Variants in NUBPL observed in about 807,000 individuals in gnomAD.
NUBPL encodes NUBP iron-sulfur cluster assembly factor, mitochondrial.
Under a neutral mutation model 45.7 loss-of-function variants are expected in NUBPL, and 31 were observed. That is an observed-to-expected ratio of 0.68 (90% CI 0.51 to 0.92). The LOEUF (loss-of-function observed/expected upper bound fraction) is 0.92. Ranked by LOEUF, NUBPL falls within the 40% of genes least tolerant of loss-of-function variation. NUBPL has a pLI of 0.00. For synonymous variants in NUBPL, 144 were observed against 140.9 expected, an observed-to-expected ratio of 1.02 and a Z score of -0.15; for missense variants, 401 against 398.7, an observed-to-expected ratio of 1.01 and a Z score of -0.05.
At position 31,648,900 on chromosome 14, in the gene NUBPL, C is replaced by T. The variant is rs557358717; in HGVS notation, c.383-24455C>T. Among the ~76,000 whole-genome samples the T allele has an allele frequency of 2.6e-5, 4 of 152,310 alleles. No individual in the cohort carries two copies. In the East Asian group the frequency reaches 7.7e-4, roughly 29 times the overall value. ...CTTGGCTCACTGCAACCTCCGCCTC[C>T]CGGGTTCAAGCAATTCTCTTGCCTC... is the stretch of plus-strand genomic sequence containing the variant. On this transcript the variant is annotated intron_variant, in intron 4 of 10. Transcript: ENST00000281081.
chr14:31,825,860 AT>A lies in NUBPL; in HGVS notation c.608-758del, dbSNP rs531767742. 2.0e-3 allele frequency among the ~76,000 whole-genome samples: 192 copies of A among 94,926 alleles called. 1 individual carries two copies. Among genetic ancestry groups the A allele is most frequent in the East Asian group, 5.7e-3 (20 of 3,528 alleles). 62.3% of individuals were successfully genotyped at this position (94,926 alleles called of 152,430 possible). A position where few individuals can be genotyped will look rare whatever the true frequency, so the allele number is the denominator to read the frequency against. On this transcript the variant is annotated intron_variant, in intron 7 of 10. Transcript: ENST00000281081. ...TTTCTTCTTTCTTCTTTTTTCTTCC[AT>A]TTTTTTTTTTGAGATGGGGTCTCAC...
At chr14:31,637,917 C>CT (rs1428877191) in intron 4 of NUBPL, among the ~76,000 whole-genome samples, 2 of 151,994 alleles carry the variant, frequency 1.3e-5, no homozygotes, top group African/African-American at 4.8e-5. Flanking sequence ...CAACGCCTGC[C>CT]TTTTTTTATT....
At position 31,564,995 on chromosome 14, in the gene NUBPL, CT is replaced by C. The variant is rs779120731; in HGVS notation, c.257-12del. 35 of 1,468,070 alleles carry C rather than the reference CT, an allele frequency of 2.4e-5. No individual in the cohort carries two copies. Among genetic ancestry groups the C allele is most frequent in the Non-Finnish European group, 2.8e-5 (30 of 1,061,564 alleles). The allele number at this position is 1,468,070 out of a possible 1,614,324, so 90.9% of individuals were successfully genotyped here. ...GAAGGAAAGTTACTAAATTCAATTA[CT>C]TTTTTTGTTTCTTACAGTGAATCTT... On this transcript the variant is annotated intron_variant, in intron 2 of 10. Coordinates refer to ENST00000281081, the MANE Select transcript of NUBPL (RefSeq NM_025152.3).
chr14:31,712,637 G>T (rs965305761), intron 6 of NUBPL, among the ~76,000 whole-genome samples: 7 of 152,266 alleles, frequency 4.6e-5, no homozygotes, highest in Non-Finnish European at 8.8e-5. Context: ...GGATGCCGAG[G>T]CCAAGGGGGC....
At chr14:31,642,449 A>C (rs552234450) in intron 4 of NUBPL, among the ~76,000 whole-genome samples, 2 of 152,152 alleles carry the variant, frequency 1.3e-5, no homozygotes, top group African/African-American at 2.4e-5. Context: ...TGTCCTTTCC[A>C]CAGTGTATGT....
chr14:31,736,537 T>A (rs929143118), intron 6 of NUBPL, among the ~76,000 whole-genome samples: 6 of 152,226 alleles, frequency 3.9e-5, no homozygotes, highest in Non-Finnish European at 8.8e-5. Context: ...GCATGAATCC[T>A]CAGTGTATTC....
chr14:31,747,072 CAAA>C (rs371061163), intron 6 of NUBPL, among the ~76,000 whole-genome samples: 2 of 65,498 alleles, frequency 3.1e-5, no homozygotes, highest in Admixed American at 2.0e-4. Context: ...AACCTGTCTC[CAAA>C]AAAAAAAAAA....
chr14:31,645,498 C>T (rs1427722892), intron 4 of NUBPL, among the ~76,000 whole-genome samples: 3 of 152,196 alleles, frequency 2.0e-5, no homozygotes, highest in South Asian at 2.1e-4. Flanking sequence ...GACTTTACTA[C>T]TGCCATTTTG....
At chr14:31,704,211 A>G (rs1040699951) in intron 6 of NUBPL, among the ~76,000 whole-genome samples, 2 of 152,116 alleles carry the variant, frequency 1.3e-5, no homozygotes, top group Non-Finnish European at 2.9e-5. Context: ...GTATCTATCC[A>G]GGTCCAAGGG....
intron 3 of NUBPL, among the ~76,000 whole-genome samples, chr14:31,578,320 G>A (rs973491379): frequency 6.6e-6 from 1 of 152,152 alleles, no homozygotes; most frequent in Non-Finnish European, 1.5e-5. Context: ...TAAGATTAAG[G>A]GCTCTGAGAA....
At chr14:31,716,342 C>G (rs1435928544) in intron 6 of NUBPL, among the ~76,000 whole-genome samples, 1 of 152,074 alleles carries the variant, frequency 6.6e-6, no homozygotes. Flanking sequence ...TCACCATCAC[C>G]CAGTATTATG....
At chr14:31,662,201 G>A (rs2036286205) in intron 4 of NUBPL, 1 of 151,430 alleles carries the variant, frequency 6.6e-6, no homozygotes, top group African/African-American at 2.4e-5. Flanking sequence ...ACATTTCTGA[G>A]CTTTCAATTT....
chr14:31,823,165 A>C (rs1287437903), intron 7 of NUBPL, among the ~76,000 whole-genome samples: 1 of 152,100 alleles, frequency 6.6e-6, no homozygotes, highest in Non-Finnish European at 1.5e-5. Flanking sequence ...CTCCTAGTTC[A>C]AGGAGTTGCC....
intron 4 of NUBPL, among the ~76,000 whole-genome samples, chr14:31,663,904 T>A (rs12887250): frequency 6.6e-6 from 1 of 152,192 alleles, no homozygotes; most frequent in Non-Finnish European, 1.5e-5. Flanking sequence ...TTGTGTCCTC[T>A]CATTTCCTTG....
chr14:31,784,193 T>G (rs1463253851), intron 6 of NUBPL, among the ~76,000 whole-genome samples: 1 of 152,204 alleles, frequency 6.6e-6, no homozygotes, highest in African/African-American at 2.4e-5. Flanking sequence ...TTTAACAGGA[T>G]CACAACATTT....
At chr14:31,573,236 A>C (rs2033635561) in intron 3 of NUBPL, among the ~76,000 whole-genome samples, 1 of 152,174 alleles carries the variant, frequency 6.6e-6, no homozygotes. Flanking sequence ...CCACCGTTGT[A>C]TATGCAGTCC....
At chr14:31,748,389 G>T (rs1288309469) in intron 6 of NUBPL, among the ~76,000 whole-genome samples, 1 of 152,082 alleles carries the variant, frequency 6.6e-6, no homozygotes, top group Non-Finnish European at 1.5e-5. Context: ...TCATTGCTGA[G>T]AATTGGATGT....
chr14:31,843,960 C>T (rs550900931), intron 8 of NUBPL: 2 of 152,336 alleles, frequency 1.3e-5, no homozygotes, highest in African/African-American at 4.8e-5. Context: ...CTGTTTTGCT[C>T]AGCACTGTAT....
chr14:31,609,465 T>C (rs1428035085), intron 4 of NUBPL, among the ~76,000 whole-genome samples: 1 of 152,124 alleles, frequency 6.6e-6, no homozygotes, highest in South Asian at 2.1e-4. Context: ...TAAAGCTCAA[T>C]ACAATAATAC....
Sources: allele counts gnomAD v4.1 joint callset (sites outside exome capture counted in the v4.1 genomes callset), GRCh38; gene constraint gnomAD v4.1.1; transcripts MANE v1.5; gene names NCBI Gene and HGNC (gene_info 2026-07-23, HGNC 2026-07-21).